LDB2: variants seen among roughly 807,000 people sequenced by gnomAD.
LDB2 encodes LIM domain binding 2.
Under a neutral mutation model 44.3 loss-of-function variants are expected in LDB2, and 12 were observed. The observed-to-expected ratio is 0.27, with a 90% CI of 0.17 to 0.44. LDB2 has a LOEUF of 0.44. Ranked by LOEUF, LDB2 falls within the 20% of genes least tolerant of loss-of-function variation. LDB2 has a pLI of 1.00. For synonymous variants in LDB2, 164 were observed against 174.8 expected, an observed-to-expected ratio of 0.94 and a Z score of 0.49; for missense variants, 344 against 473.5, an observed-to-expected ratio of 0.73 and a Z score of 2.54.
chr4:16,844,248 CAAAAAA>C (rs34034796), intron 1 of LDB2, among the ~76,000 whole-genome samples: 1 of 30,072 alleles, frequency 3.3e-5, no homozygotes, highest in South Asian at 2.6e-3. Context: ...ACCCTGTCTC[CAAAAAA>C]AAAAAAAAAA....
At chr4:16,735,988 A>G (rs890678190) in intron 2 of LDB2, among the ~76,000 whole-genome samples, 100 of 152,176 alleles carry the variant, frequency 6.6e-4, no homozygotes, top group Non-Finnish European at 9.6e-4. Context: ...CAGAAGAGCA[A>G]TTATCCAGGG....
intron 5 of LDB2, among the ~76,000 whole-genome samples, chr4:16,558,001 G>C (rs1391234763): frequency 6.6e-6 from 1 of 152,218 alleles, no homozygotes; most frequent in Non-Finnish European, 1.5e-5. Context: ...CTGCAGCTGA[G>C]GGTCCTGTCT....
intron 1 of LDB2, among the ~76,000 whole-genome samples, chr4:16,778,962 T>C (rs1249876836): frequency 6.6e-6 from 1 of 152,238 alleles, no homozygotes; most frequent in Non-Finnish European, 1.5e-5. Context: ...CCCAGGCCAA[T>C]GTTCTTTCAT....
At chr4:16,567,413 CGTGT>C (rs926400033) in intron 5 of LDB2, among the ~76,000 whole-genome samples, 4 of 147,942 alleles carry the variant, frequency 2.7e-5, no homozygotes, top group African/African-American at 1.0e-4. Flanking sequence ...TGTGTGCATG[CGTGT>C]GTGTGTGTTT....
intron 1 of LDB2, among the ~76,000 whole-genome samples, chr4:16,807,146 A>T (rs749963729): frequency 6.6e-6 from 1 of 152,170 alleles, no homozygotes; most frequent in African/African-American, 2.4e-5. Flanking sequence ...CCTAAGATAT[A>T]TGTATAATTT....
intron 1 of LDB2, among the ~76,000 whole-genome samples, chr4:16,793,200 G>A (rs1235063921): frequency 2.0e-5 from 3 of 152,098 alleles, no homozygotes; most frequent in South Asian, 2.1e-4. Context: ...ATTGGTATAC[G>A]CGTTGCCTTT....
intron 2 of LDB2, among the ~76,000 whole-genome samples, chr4:16,655,875 G>A (rs148480615): frequency 0.017 from 2,358 of 137,390 alleles, 28 homozygotes; most frequent in South Asian, 0.063. Flanking sequence ...TAAAGAAAAC[G>A]TTGGTTGTTC....
At position 16,743,714 on chromosome 4, in the gene LDB2, C is replaced by A. The variant is rs909873697; in HGVS notation, c.235+15444G>T. ...CCAGTTAATAGCCAGAAAAAAAAAC[C>A]CAGAAACCTCCATCGTACCACTGCA... On this transcript the variant is annotated intron_variant, in intron 2 of 7. Transcript: ENST00000304523. Among the ~76,000 whole-genome samples the A allele has an allele frequency of 7.2e-5, 11 of 152,126 alleles. No homozygotes were observed. In the East Asian group the frequency reaches 2.1e-3, roughly 29 times the overall value.
chr4:16,674,787 GCACACACA>G (rs34491459), intron 2 of LDB2, among the ~76,000 whole-genome samples: 1 of 150,600 alleles, frequency 6.6e-6, no homozygotes, highest in Non-Finnish European at 1.5e-5. Flanking sequence ...TCTACCGAAA[GCACACACA>G]CACACACACA....
chr4:16,666,386 G>C (rs1417512723), intron 2 of LDB2, among the ~76,000 whole-genome samples: 1 of 152,184 alleles, frequency 6.6e-6, no homozygotes, highest in Non-Finnish European at 1.5e-5. Flanking sequence ...AAGAAAGGGA[G>C]CCTCGTGAGC....
intron 1 of LDB2, among the ~76,000 whole-genome samples, chr4:16,769,570 A>G (rs996639217): frequency 6.6e-6 from 1 of 150,796 alleles, no homozygotes; most frequent in Non-Finnish European, 1.5e-5. Context: ...TGCTGGGATT[A>G]CAGGTGTGAG....
At chr4:16,707,436 T>C (rs1326617992) in intron 2 of LDB2, among the ~76,000 whole-genome samples, 1 of 152,206 alleles carries the variant, frequency 6.6e-6, no homozygotes, top group East Asian at 1.9e-4. Flanking sequence ...AAATAAATCC[T>C]GGAATTTAAT....
rs190802327 is a variant in LDB2, at chr4:16,670,163, C to T, written c.236-74288G>A. Among the ~76,000 whole-genome samples, 298 of 152,302 alleles carry T rather than the reference C, an allele frequency of 2.0e-3. 2 individuals are homozygous for T. The highest frequency in any genetic ancestry group is 6.7e-3 in the African/African-American group (280 of 41,566). On this transcript the variant is annotated intron_variant, in intron 2 of 7. Transcript: ENST00000304523. ...GAGATCTACTCTGCTGCCCAACACT[C>T]GAAACCTTTGTCAGGTGGCCAGTGA...
chr4:16,798,407 C>A (rs1301578385), intron 1 of LDB2, among the ~76,000 whole-genome samples: 2 of 152,132 alleles, frequency 1.3e-5, no homozygotes. Context: ...TCTTGGAAAG[C>A]AGCAATAGGA....
chr4:16,881,726 G>GA (rs201134466), intron 1 of LDB2, among the ~76,000 whole-genome samples: 4,194 of 150,248 alleles, frequency 0.028, 85 homozygotes, highest in Middle Eastern at 0.062. Context: ...CTCATGGCCA[G>GA]AAAAAAAATG....
intron 5 of LDB2, among the ~76,000 whole-genome samples, chr4:16,583,742 CA>C (rs1560543943): frequency 6.6e-6 from 1 of 152,168 alleles, no homozygotes. Context: ...TCAAGCGGCC[CA>C]CGTCAGCCCG....
At position 16,561,445 on chromosome 4, in the gene LDB2, A is replaced by T. The variant is rs1309606319; in HGVS notation, c.615+24477T>A. ...CATAACACACAAACAGAGAGCCAAA[A>T]CATGAGTGAACTCCCATTCACAATT... On this transcript the variant is annotated intron_variant, in intron 5 of 7. Coordinates refer to ENST00000304523, the MANE Select transcript of LDB2 (RefSeq NM_001290.5). 2.1e-4 allele frequency among the ~76,000 whole-genome samples: 32 copies of T among 152,250 alleles called. No individual in the cohort carries two copies. In the East Asian group the frequency reaches 5.0e-3, roughly 24 times the overall value.
chr4:16,563,298 G>A (rs2152383782), intron 5 of LDB2, among the ~76,000 whole-genome samples: 1 of 151,294 alleles, frequency 6.6e-6, no homozygotes, highest in African/African-American at 2.4e-5. Context: ...TTCTATCTGT[G>A]ATTTTTTTAT....
chr4:16,657,372 C>G (rs967372759), intron 2 of LDB2, among the ~76,000 whole-genome samples: 1 of 152,170 alleles, frequency 6.6e-6, no homozygotes, highest in Non-Finnish European at 1.5e-5. Flanking sequence ...CCTATCACCT[C>G]TCATTTGCTG....
Sources: gnomAD v4.1 joint callset for allele counts (sites outside exome capture counted in the v4.1 genomes callset) on GRCh38, gnomAD v4.1.1 for gene constraint, MANE v1.5 for transcripts, NCBI Gene and HGNC (gene_info 2026-07-23, HGNC 2026-07-21) for gene names.